DIP2B: variants seen among roughly 807,000 people sequenced by gnomAD.
The protein encoded by DIP2B is disco-interacting protein 2 homolog B.
DIP2B carries 76 observed loss-of-function variants against 198.0 expected under a neutral mutation model. The ratio of observed to expected loss-of-function variants is 0.38; its 90% CI spans 0.32 to 0.46. The LOEUF is 0.46. Among genes scored for constraint, DIP2B ranks in the 20% least tolerant of loss-of-function variants. The probability of loss-of-function intolerance (pLI) is 0.99; values close to 1 mark genes in which losing one functional copy is unlikely to be tolerated. For synonymous variants in DIP2B, 701 were observed against 739.1 expected, an observed-to-expected ratio of 0.95 and a Z score of 0.84; for missense variants, 1,559 against 1,978.4, an observed-to-expected ratio of 0.79 and a Z score of 4.02.
At chr12:50,620,908 G>T (rs1472978479) in intron 1 of DIP2B, among the ~76,000 whole-genome samples, 1 of 152,150 alleles carries the variant, frequency 6.6e-6, no homozygotes, top group Non-Finnish European at 1.5e-5. Flanking sequence ...CACCAGACAG[G>T]ATTCCTCACT....
chr12:50,584,517 T>C (rs1187365102), intron 1 of DIP2B, among the ~76,000 whole-genome samples: 1 of 152,254 alleles, frequency 6.6e-6, no homozygotes, highest in African/African-American at 2.4e-5. Context: ...TGCTGTTCTC[T>C]TCACAGCAGG....
intron 1 of DIP2B, among the ~76,000 whole-genome samples, chr12:50,523,361 A>G (rs1342552413): frequency 6.6e-6 from 1 of 152,188 alleles, no homozygotes; most frequent in African/African-American, 2.4e-5. Flanking sequence ...AAAAATCTGT[A>G]CATGTTCAGT....
intron 28 of DIP2B, among the ~76,000 whole-genome samples, chr12:50,726,667 TC>T (rs1939941520): frequency 1.4e-5 from 2 of 147,918 alleles, no homozygotes; most frequent in African/African-American, 4.9e-5. Flanking sequence ...TTTCTTTCTT[TC>T]TTTTTTTTTT....
At chr12:50,696,999 A>G in intron 16 of DIP2B, 62 bp from the exon 17 acceptor site, 2 of 1,268,218 alleles carry the variant, frequency 1.6e-6, no homozygotes, top group African/African-American at 1.5e-5. Context: ...ATTCTTTACC[A>G]TTTTCCTACA....
At chr12:50,647,232 T>C (rs529749631) in intron 3 of DIP2B, among the ~76,000 whole-genome samples, 256 of 152,190 alleles carry the variant, frequency 1.7e-3, no homozygotes, top group Non-Finnish European at 2.8e-3. Context: ...GTATTTTTTG[T>C]GGAGACAGGG....
intron 1 of DIP2B, among the ~76,000 whole-genome samples, chr12:50,513,353 C>T (rs956772397): frequency 6.6e-6 from 1 of 152,192 alleles, no homozygotes; most frequent in African/African-American, 2.4e-5. Context: ...GAGCAGAAGA[C>T]TTGCTGGTCT....
At chr12:50,551,741 G>A (rs1185068062) in intron 1 of DIP2B, among the ~76,000 whole-genome samples, 1 of 152,114 alleles carries the variant, frequency 6.6e-6, no homozygotes, top group East Asian at 1.9e-4. Context: ...ACCATACCTG[G>A]CCCAATGTCC....
Position 50,737,611 on chromosome 12 carries a change from T to A in DIP2B, c.4176+501T>A, listed in dbSNP as rs562874925. ...ATTTTTCTTCCCCCAAATCTTTGTT[T>A]TTGTTTGTTTATTTGAGACAGTCTC... On this transcript the variant is annotated intron_variant, in intron 35 of 37. Coordinates refer to ENST00000301180, the MANE Select transcript of DIP2B (RefSeq NM_173602.3). 2.0e-5 allele frequency among the ~76,000 whole-genome samples: 3 copies of A among 152,148 alleles called. No individual in the cohort carries two copies. In the East Asian group the frequency reaches 5.8e-4, roughly 29 times the overall value.
chr12:50,556,358 A>G (rs1056837150), intron 1 of DIP2B, among the ~76,000 whole-genome samples: 29 of 152,036 alleles, frequency 1.9e-4, no homozygotes, highest in Non-Finnish European at 3.2e-4. Flanking sequence ...TACAGGCGTA[A>G]GCCATCGAGC....
intron 1 of DIP2B, among the ~76,000 whole-genome samples, chr12:50,555,552 C>T (rs935506828): frequency 6.6e-6 from 1 of 152,152 alleles, no homozygotes; most frequent in African/African-American, 2.4e-5. Context: ...GCTGTGCACT[C>T]ATTCTGCTAT....
rs1017001437 is a variant in DIP2B at position 50,617,282 on chromosome 12, A to C, written c.101-8694A>C. On this transcript the variant is annotated intron_variant, in intron 1 of 37. Coordinates refer to ENST00000301180, the MANE Select transcript of DIP2B (RefSeq NM_173602.3). ...GCCATTCTCCTGCCTCAGTCTCCCG[A>C]GTAGCTGGGACTACAGGCGCCCGCT... Among the ~76,000 whole-genome samples the C allele has an allele frequency of 3.3e-5, 5 of 150,946 alleles. No individual in the cohort carries two copies. In the East Asian group the frequency reaches 9.9e-4, roughly 30 times the overall value.
chr12:50,566,971 C>CAAAAAA (rs34854416), intron 1 of DIP2B, among the ~76,000 whole-genome samples: 8 of 78,390 alleles, frequency 1.0e-4, no homozygotes, highest in Admixed American at 1.4e-4. Context: ...GACTCCGTCT[C>CAAAAAA]AAAAAAAAAA....
chr12:50,534,797 T>A (rs1274342836), intron 1 of DIP2B, among the ~76,000 whole-genome samples: 1 of 152,188 alleles, frequency 6.6e-6, no homozygotes, highest in Admixed American at 6.6e-5. Context: ...CTTGGGCAAG[T>A]CATTTAACCT....
Position 50,672,465 on chromosome 12 carries a change from C to T in DIP2B, c.640+1067C>T, listed in dbSNP as rs186865909. Among the ~76,000 whole-genome samples the T allele has an allele frequency of 2.4e-3, 372 of 152,306 alleles. 1 individual carries two copies. Among genetic ancestry groups the T allele is most frequent in the Non-Finnish European group, 3.2e-3 (220 of 68,026 alleles). On this transcript the variant is annotated intron_variant, in intron 5 of 37. Transcript: ENST00000301180. ...GGTTGCTGAGGTTTTATTTCCACAT[C>T]TGTCTAAAAGAGACCAGTATTACTT... is the stretch of plus-strand genomic sequence containing the variant.
chr12:50,528,749 G>A (rs945604094), intron 1 of DIP2B, among the ~76,000 whole-genome samples: 3 of 152,210 alleles, frequency 2.0e-5, no homozygotes, highest in Non-Finnish European at 4.4e-5. Context: ...AAGAAAGCTT[G>A]CAGAGGCGAC....
chr12:50,729,415 A>G (rs1201319518), intron 30 of DIP2B, among the ~76,000 whole-genome samples: 1 of 152,194 alleles, frequency 6.6e-6, no homozygotes, highest in Non-Finnish European at 1.5e-5. Context: ...ACAAAAATTA[A>G]TGGGACTCCC....
In DIP2B at chr12:50,729,618, T is replaced by C. The variant is rs959871975; in HGVS notation, c.3641+940T>C. ...ATGATAGGAACTCTGTTCCTTCCTG[T>C]TTTTTCTTGCTTAAAAACAAAAAAA... On this transcript the variant is annotated intron_variant, in intron 30 of 37. Coordinates refer to ENST00000301180, the MANE Select transcript of DIP2B (RefSeq NM_173602.3). Among the ~76,000 whole-genome samples, 6 of 152,172 alleles carry C rather than the reference T, an allele frequency of 3.9e-5. No homozygotes were observed. In the East Asian group the frequency reaches 1.2e-3, roughly 29 times the overall value.
chr12:50,663,019 G>A (rs945397616), intron 4 of DIP2B, among the ~76,000 whole-genome samples: 5 of 152,192 alleles, frequency 3.3e-5, no homozygotes, highest in Admixed American at 2.6e-4. Context: ...TGAGGCAGGG[G>A]AATTACTTGA....
intron 1 of DIP2B, among the ~76,000 whole-genome samples, chr12:50,585,621 A>G (rs1184670345): frequency 1.3e-5 from 2 of 152,192 alleles, no homozygotes; most frequent in Non-Finnish European, 2.9e-5. Context: ...GGAAGAGCAG[A>G]GAGAACTGGC....
Sources: gnomAD v4.1 joint callset for allele counts (sites outside exome capture counted in the v4.1 genomes callset) on GRCh38, gnomAD v4.1.1 for gene constraint, MANE v1.5 for transcripts, NCBI Gene and HGNC (gene_info 2026-07-23, HGNC 2026-07-21) for gene names.